Variants in SLC37A3 observed in about 807,000 individuals in gnomAD.
SLC37A3 encodes the protein solute carrier family 37 member 3.
A neutral mutation model predicts 67.1 loss-of-function variants in SLC37A3; 51 were observed. That is an observed-to-expected ratio of 0.76 (90% confidence interval 0.61 to 0.96). The LOEUF (loss-of-function observed/expected upper bound fraction) is 0.96, where lower values mean the gene tolerates loss of function less well. Ranked by LOEUF, SLC37A3 falls within the 40% of genes least tolerant of loss-of-function variation. The pLI is 0.00. For missense variants in SLC37A3, 508 were observed against 603.0 expected, an observed-to-expected ratio of 0.84 and a Z score of 1.65; for synonymous variants, 214 against 231.4, an observed-to-expected ratio of 0.92 and a Z score of 0.68.
intron 5 of SLC37A3, among the ~76,000 whole-genome samples, chr7:140,363,419 T>A (rs1285387176): frequency 1.1e-5 from 1 of 87,378 alleles, no homozygotes; most frequent in East Asian, 3.1e-4. Context: ...CTCTGAAACA[T>A]GTGCTGTGTC....
chr7:140,352,629 A>G (rs907062814), intron 7 of SLC37A3, among the ~76,000 whole-genome samples: 6 of 152,202 alleles, frequency 3.9e-5, no homozygotes, highest in African/African-American at 1.2e-4. Context: ...AAGAGGTTGA[A>G]GCAGTAAGAC....
intron 12 of SLC37A3, among the ~76,000 whole-genome samples, 186 bp downstream of exon 12, chr7:140,345,030 T>A (rs956258389): frequency 1.3e-5 from 2 of 152,182 alleles, no homozygotes; most frequent in Non-Finnish European, 2.9e-5. Context: ...ACAATAGGAC[T>A]GAGGAGGTCA....
At chr7:140,378,737 CAA>C (rs952874283) in intron 3 of SLC37A3, among the ~76,000 whole-genome samples, 23 of 111,072 alleles carry the variant, frequency 2.1e-4, no homozygotes, top group Admixed American at 1.9e-4. Context: ...CTCCATCTCA[CAA>C]AAAAAAAAAA....
chr7:140,348,838 T>G, intron 9 of SLC37A3, 71 bp from the exon 10 acceptor site: 1 of 1,562,234 alleles, frequency 6.4e-7, no homozygotes, highest in Non-Finnish European at 8.7e-7. Flanking sequence ...TAATGTCATT[T>G]AAAAGCAAAA....
At position 140,343,419 on chromosome 7, in the gene SLC37A3, A is replaced by G. The variant is rs751541498; in HGVS notation, c.1319T>C (p.Val440Ala). The stretch of plus-strand genomic sequence containing the variant: ...CCTCTCCTGTTCTCTCACCTGGCCC[A>G]CTGCAGCTCCAATGCTCCCCGAACC... ...VDGSGSIGAAVGQYLVSLIRD... is the reference protein window; with the variant it reads ...VDGSGSIGAAAGQYLVSLIRD... The change falls in exon 13 of 15, where the codon GTG becomes GCG. Residue 440 changes from valine to alanine, a missense_variant. Transcript: ENST00000326232. 20 of 1,613,612 alleles carry G rather than the reference A, an allele frequency of 1.2e-5. No homozygotes were observed. The highest frequency in any genetic ancestry group is 1.6e-5 in the Non-Finnish European group (19 of 1,179,936).
intron 7 of SLC37A3, 30 bp downstream of exon 7, chr7:140,355,638 A>G: frequency 6.4e-7 from 1 of 1,560,978 alleles, no homozygotes; most frequent in South Asian, 1.1e-5. Context: ...AGAGAGAGAG[A>G]GAGCACCAGA....
At chr7:140,391,232 G>A (rs1233249655) in intron 1 of SLC37A3, among the ~76,000 whole-genome samples, 1 of 152,076 alleles carries the variant, frequency 6.6e-6, no homozygotes, top group East Asian at 1.9e-4. Flanking sequence ...GGATCCAAAT[G>A]ACCAATTAAT....
intron 1 of SLC37A3, among the ~76,000 whole-genome samples, chr7:140,388,492 G>A (rs1798597701): frequency 6.6e-6 from 1 of 151,496 alleles, no homozygotes; most frequent in South Asian, 2.1e-4. Context: ...AAAAATACTG[G>A]CAAGATTCTT....
intron 13 of SLC37A3, among the ~76,000 whole-genome samples, chr7:140,342,322 C>A (rs1231616548): frequency 6.6e-6 from 1 of 152,168 alleles, no homozygotes; most frequent in Non-Finnish European, 1.5e-5. Context: ...TCCTAGATGT[C>A]AAAACTAAGA....
intron 5 of SLC37A3, among the ~76,000 whole-genome samples, chr7:140,359,222 A>T (rs1797163272): frequency 6.6e-6 from 1 of 152,002 alleles, no homozygotes; most frequent in South Asian, 2.1e-4. Flanking sequence ...AGGTGCCTGT[A>T]GTCCCAGCTA....
intron 3 of SLC37A3, among the ~76,000 whole-genome samples, chr7:140,375,277 C>A (rs1797989709): frequency 6.6e-6 from 1 of 151,660 alleles, no homozygotes; most frequent in Non-Finnish European, 1.5e-5. Context: ...AAGTTCGAGA[C>A]CAGCCTGGGC....
At chr7:140,341,366 C>T (rs1796354946) in intron 13 of SLC37A3, among the ~76,000 whole-genome samples, 1 of 152,120 alleles carries the variant, frequency 6.6e-6, no homozygotes, top group South Asian at 2.1e-4. Context: ...AGGAAACAAG[C>T]AGAGCACCTG....
At chr7:140,351,502 G>GGGC (rs1299934419) in intron 8 of SLC37A3, 51 bp from the exon 9 acceptor site, 3 of 1,559,174 alleles carry the variant, frequency 1.9e-6, no homozygotes, top group Middle Eastern at 1.7e-4. Context: ...CACGTGTGAA[G>GGGC]GGCTCTGCAT....
At chr7:140,377,139 G>A (rs891443203) in intron 3 of SLC37A3, among the ~76,000 whole-genome samples, 6 of 151,664 alleles carry the variant, frequency 4.0e-5, no homozygotes, top group Non-Finnish European at 5.9e-5. Flanking sequence ...AGAATGGAAT[G>A]TCGCCATGTT....
chr7:140,394,885 G>A (rs1171406354), intron 1 of SLC37A3, among the ~76,000 whole-genome samples: 1 of 151,400 alleles, frequency 6.6e-6, no homozygotes, highest in Non-Finnish European at 1.5e-5. Flanking sequence ...GGGATTACAG[G>A]TGTGAGCTAC....
intron 3 of SLC37A3, among the ~76,000 whole-genome samples, chr7:140,371,363 G>A (rs1025918316): frequency 3.3e-5 from 5 of 151,954 alleles, no homozygotes; most frequent in East Asian, 1.9e-4. Context: ...TAGTAGAGAC[G>A]GGGTTTCGCC....
At chr7:140,393,234 T>TCA (rs1798791013) in intron 1 of SLC37A3, among the ~76,000 whole-genome samples, 1 of 152,112 alleles carries the variant, frequency 6.6e-6, no homozygotes, top group African/African-American at 2.4e-5. Flanking sequence ...GCCCCCAAGA[T>TCA]CACACATGCA....
At position 140,358,723 on chromosome 7, in the gene SLC37A3, G is replaced by C; in HGVS notation, c.438C>G (p.Cys146Trp). 1 of 1,614,120 alleles carries C rather than the reference G, an allele frequency of 6.2e-7. No homozygotes were observed. The highest frequency in any genetic ancestry group is 8.5e-7 in the Non-Finnish European group (1 of 1,180,020). Residue 146 changes from cysteine (C) to tryptophan (W), a missense_variant, in exon 6 of 15, where the codon TGC becomes TGG. Cys to Trp is a radical substitution (Grantham distance 215, BLOSUM62 -2). Coordinates refer to ENST00000326232, the MANE Select transcript of SLC37A3 (RefSeq NM_207113.3). ...GCAGCAGGCCGTTCACAATCCACAG[G>C]CAGCAGTACAGCCATTTGTTGTAGA... ...LRFYNKWLYC[C>W]LWIVNGLLQS...
chr7:140,386,801 C>T (rs540033322), intron 1 of SLC37A3: 1 of 152,084 alleles, frequency 6.6e-6, no homozygotes, highest in Non-Finnish European at 1.5e-5. Flanking sequence ...ACCCGGTATT[C>T]CCAGGCAGTG....
Sources: gnomAD v4.1 joint callset for allele counts (sites outside exome capture counted in the v4.1 genomes callset) on GRCh38, gnomAD v4.1.1 for gene constraint, MANE v1.5 for transcripts, NCBI Gene and HGNC (gene_info 2026-07-23, HGNC 2026-07-21) for gene names.